Variants in KCNQ1 observed in about 807,000 individuals in gnomAD.
The protein encoded by KCNQ1 is potassium voltage-gated channel subfamily KQT member 1.
KCNQ1 carries 49 observed loss-of-function variants against 72.4 expected under a neutral mutation model. The ratio of observed to expected loss-of-function variants is 0.68; its 90% CI spans 0.54 to 0.86. The LOEUF is 0.86. KCNQ1 is among the 40% of genes least tolerant of loss of function. The pLI is 0.00. For missense variants in KCNQ1, 790 were observed against 945.1 expected (o/e 0.84, Z 2.15); for synonymous variants, 450 against 412.6 (o/e 1.09, Z -1.10).
chr11:2,587,462 G>C (rs187301089), intron 8 of KCNQ1, 108 bp from the exon 9 acceptor site: 4 of 1,521,160 alleles, frequency 2.6e-6, no homozygotes, highest in Middle Eastern at 1.8e-4. Context: ...CTGCCACCCA[G>C]AGGGGAGGGG....
At position 2,690,849 on chromosome 11, in the gene KCNQ1, C is replaced by G; in HGVS notation, c.1514+28768C>G. On this transcript the variant is annotated intron_variant, in intron 11 of 15. Transcript: ENST00000155840. This position sits in a 1 kb window ranked among gnomAD's most constrained non-coding sequence, Gnocchi z 5.1. ...GCTCTGGCACTCCCACTGTTAGGAA[C>G]AGGTACCTTTAGGGACACAGGAGTG... is the stretch of plus-strand genomic sequence containing the variant. The G allele has an allele frequency of 2.5e-6, 1 of 398,598 alleles. No homozygotes were observed. 24.7% of individuals were successfully genotyped at this position (398,598 alleles called of 1,614,324 possible).
Position 2,676,481 on chromosome 11 carries a change from G to A in KCNQ1, c.1514+14400G>A, listed in dbSNP as rs1337853430. On this transcript the variant is annotated intron_variant, in intron 11 of 15. Transcript: ENST00000155840. This position sits in a 1 kb window ranked among gnomAD's most constrained non-coding sequence, Gnocchi z 4.2. ...TCAGATTGTTAGCTGTAGTCTTTCT[G>A]GCATCAGTTCCATTTCTGGTGAACA... 1.8e-5 allele frequency: 7 copies of A among 398,558 alleles called. No individual in the cohort carries two copies. The highest frequency in any genetic ancestry group is 3.1e-5 in the Non-Finnish European group (7 of 226,098). 24.7% of individuals were successfully genotyped at this position (398,558 alleles called of 1,614,324 possible).
At position 2,538,706 on chromosome 11, in the gene KCNQ1, G is replaced by A. The variant is rs1404177390; in HGVS notation, c.477+10688G>A. Reference sequence around the variant, plus strand: ...GTGTGGAGGGGCCCTACGGTGAATCGTTTTCTGTAACAAAGGCTTCCTCTG... The same window carrying A: ...GTGTGGAGGGGCCCTACGGTGAATCATTTTCTGTAACAAAGGCTTCCTCTG... On this transcript the variant is annotated intron_variant, in intron 2 of 15. Transcript: ENST00000155840. This position sits in a 1 kb window ranked among gnomAD's most constrained non-coding sequence, Gnocchi z 6.7. Among the ~76,000 whole-genome samples the A allele has an allele frequency of 1.3e-5, 2 of 150,952 alleles. No individual in the cohort carries two copies. The highest frequency in any genetic ancestry group is 2.4e-5 in the African/African-American group (1 of 40,986).
chr11:2,581,411 T>C (rs1430982416), intron 6 of KCNQ1, among the ~76,000 whole-genome samples: 4 of 152,164 alleles, frequency 2.6e-5, no homozygotes, highest in African/African-American at 9.7e-5. Context: ...ACCTGGGCCC[T>C]CTGGGGAAGG....
At chr11:2,680,573 CT>C (rs1850379168) in intron 11 of KCNQ1, 1 of 398,350 alleles carries the variant, frequency 2.5e-6, no homozygotes, top group Non-Finnish European at 4.4e-6. Flanking sequence ...ATCTTACATA[CT>C]CCTTTACCTA....
chr11:2,705,312 G>A (rs1384422839), intron 11 of KCNQ1, among the ~76,000 whole-genome samples: 1 of 152,132 alleles, frequency 6.6e-6, no homozygotes, highest in East Asian at 1.9e-4. Context: ...GTGTGGGCCA[G>A]TTCCCATTGG....
rs912420431 is a variant in KCNQ1 at position 2,809,656 on chromosome 11, G to A, written c.1794+31619G>A. The stretch of plus-strand genomic sequence containing the variant: ...GGTCGCTGACTCCAGAGGGCCCCAC[G>A]GCTCATGCCTGCTTCCCTGCTATCC... On this transcript the variant is annotated intron_variant, in intron 15 of 15. Coordinates refer to ENST00000155840, the MANE Select transcript of KCNQ1 (RefSeq NM_000218.3). This position sits in a 1 kb window ranked among gnomAD's most constrained non-coding sequence, Gnocchi z 7.1. Among the ~76,000 whole-genome samples the A allele has an allele frequency of 7.9e-5, 12 of 152,082 alleles. No homozygotes were observed. The highest frequency in any genetic ancestry group is 1.2e-4 in the Non-Finnish European group (8 of 68,024).
chr11:2,805,226 C>T (rs1197236242), intron 15 of KCNQ1, among the ~76,000 whole-genome samples: 1 of 152,158 alleles, frequency 6.6e-6, no homozygotes, highest in Non-Finnish European at 1.5e-5. Context: ...GGACCCAGGT[C>T]ACAGAGCCTT....
rs539412414 is a variant in KCNQ1, at chr11:2,652,707, G to A, written c.1394-9254G>A. On this transcript the variant is annotated intron_variant, in intron 10 of 15. Coordinates refer to ENST00000155840, the MANE Select transcript of KCNQ1 (RefSeq NM_000218.3). The surrounding 1 kb of genome is among the most constrained non-coding windows in gnomAD (Gnocchi z 5.9). The stretch of plus-strand genomic sequence containing the variant: ...TGGGTGGCTGTGTTGCTCTCTTTCC[G>A]TTTCCTGGGCTCACTCACGCTCAGG... The A allele has an allele frequency of 6.3e-5, 25 of 398,828 alleles. No homozygotes were observed. The highest frequency in any genetic ancestry group is 3.8e-4 in the South Asian group (3 of 7,848). 24.7% of individuals were successfully genotyped at this position (398,828 alleles called of 1,614,324 possible). A position where few individuals can be genotyped will look rare whatever the true frequency, so the allele number is the denominator to read the frequency against.
intron 1 of KCNQ1, among the ~76,000 whole-genome samples, chr11:2,453,866 T>A (rs897395856): frequency 1.3e-5 from 2 of 152,224 alleles, no homozygotes; most frequent in South Asian, 4.1e-4. Context: ...AATCAGAGAT[T>A]TGTGGAATAT....
rs191728092 is a variant in KCNQ1 at position 2,685,397 on chromosome 11, G to A, written c.1514+23316G>A. The A allele has an allele frequency of 1.2e-3, 480 of 398,684 alleles. 1 individual carries two copies. The highest frequency in any genetic ancestry group is 9.1e-3 in the African/African-American group (444 of 48,762). 24.7% of individuals were successfully genotyped at this position (398,684 alleles called of 1,614,324 possible). Reference sequence around the variant, plus strand: ...TGGTACATGGGCAGGGGATAGATGTGTTTCCATGGGTCTCCTTCACATAGA... The same window carrying A: ...TGGTACATGGGCAGGGGATAGATGTATTTCCATGGGTCTCCTTCACATAGA... On this transcript the variant is annotated intron_variant, in intron 11 of 15. Coordinates refer to ENST00000155840, the MANE Select transcript of KCNQ1 (RefSeq NM_000218.3).
intron 2 of KCNQ1, among the ~76,000 whole-genome samples, chr11:2,555,782 C>G (rs1848061304): frequency 6.6e-6 from 1 of 152,262 alleles, no homozygotes; most frequent in Non-Finnish European, 1.5e-5. Flanking sequence ...TCCACTGGCA[C>G]ATTGAGTTCT....
chr11:2,551,524 C>T (rs1847983708), intron 2 of KCNQ1, among the ~76,000 whole-genome samples: 1 of 152,232 alleles, frequency 6.6e-6, no homozygotes, highest in African/African-American at 2.4e-5. Context: ...TGAGCTGTCT[C>T]CAGTTTTCAG....
chr11:2,838,110 C>T (rs187306463), intron 15 of KCNQ1, among the ~76,000 whole-genome samples: 60 of 152,344 alleles, frequency 3.9e-4, no homozygotes, highest in African/African-American at 1.1e-3. Flanking sequence ...ACCTGCTGCA[C>T]GCCAAGGGCA....
At chr11:2,574,453 G>A (rs1260159255) in intron 6 of KCNQ1, among the ~76,000 whole-genome samples, 4 of 151,936 alleles carry the variant, frequency 2.6e-5, no homozygotes, top group African/African-American at 7.3e-5. Context: ...CCTGGGGGCC[G>A]CACGGGGGCT....
chr11:2,788,268 C>T lies in KCNQ1; in HGVS notation c.1794+10231C>T, dbSNP rs184141145. Among the ~76,000 whole-genome samples the T allele has an allele frequency of 3.9e-3, 598 of 152,284 alleles. 2 individuals carry two copies. Among genetic ancestry groups the T allele is most frequent in the African/African-American group, 0.013 (550 of 41,556 alleles). On this transcript the variant is annotated intron_variant, in intron 15 of 15. Transcript: ENST00000155840. Reference sequence around the variant, plus strand: ...TCCCCAGAGCTCATGACCCACGCCTCCCCGAGGTCCCTAAGGAATGTCCGC... The same window carrying T: ...TCCCCAGAGCTCATGACCCACGCCTTCCCGAGGTCCCTAAGGAATGTCCGC...
intron 15 of KCNQ1, among the ~76,000 whole-genome samples, chr11:2,829,297 A>G (rs1847897642): frequency 6.6e-6 from 1 of 152,232 alleles, no homozygotes. Flanking sequence ...CTAAGACTCC[A>G]GGAAGAAATC....
Position 2,679,399 on chromosome 11 carries a change from T to C in KCNQ1, c.1514+17318T>C, listed in dbSNP as rs1420154569. 2.5e-6 allele frequency: 1 copy of C among 398,626 alleles called. No homozygotes were observed. The highest frequency in any genetic ancestry group is 2.1e-5 in the African/African-American group (1 of 48,748). 24.7% of individuals were successfully genotyped at this position (398,626 alleles called of 1,614,324 possible). Reference sequence around the variant, plus strand: ...AGTCTCAGTTTCTTTATTTGTAAAATGGGAATCATAAGAGTACCTTCCTCA... The same window carrying C: ...AGTCTCAGTTTCTTTATTTGTAAAACGGGAATCATAAGAGTACCTTCCTCA... On this transcript the variant is annotated intron_variant, in intron 11 of 15. Transcript: ENST00000155840. The surrounding 1 kb of genome is among the most constrained non-coding windows in gnomAD (Gnocchi z 4.8).
chr11:2,700,978 C>T (rs914310499), intron 11 of KCNQ1, among the ~76,000 whole-genome samples: 1 of 152,236 alleles, frequency 6.6e-6, no homozygotes, highest in African/African-American at 2.4e-5. Flanking sequence ...TTGGCCCTTC[C>T]ATGTGGACTG....
Sources: allele counts gnomAD v4.1 joint callset (sites outside exome capture counted in the v4.1 genomes callset), GRCh38; gene constraint gnomAD v4.1.1; non-coding constraint Gnocchi (gnomAD v3.1); transcripts MANE v1.5; gene names NCBI Gene and HGNC (gene_info 2026-07-23, HGNC 2026-07-21).